The following NBAS variants were observed in gnomAD, a reference collection of about 807,000 sequenced individuals.
The protein encoded by NBAS is NBAS subunit of NRZ tethering complex.
A neutral mutation model predicts 302.5 loss-of-function variants in NBAS; 219 were observed. That is an observed-to-expected ratio of 0.72 (90% confidence interval 0.65 to 0.81). The LOEUF (loss-of-function observed/expected upper bound fraction) is 0.81. Among genes scored for constraint, NBAS ranks in the 30% least tolerant of loss-of-function variants. NBAS has a pLI of 0.00. For missense variants in NBAS, 2,932 were observed against 2,841.6 expected (o/e 1.03, Z -0.72); for synonymous variants, 1,118 against 1,021.6 (o/e 1.09, Z -1.80).
At chr2:14,902,033 A>T in the NBAS span, among the ~76,000 whole-genome samples, 4 of 152,226 alleles carry the variant, frequency 2.6e-5, no homozygotes, top group Non-Finnish European at 4.4e-5. Flanking sequence ...CTGTCTTGTG[A>T]CTACCTCCCA....
At chr2:14,935,299 T>C in the NBAS span, among the ~76,000 whole-genome samples, 6 of 152,216 alleles carry the variant, frequency 3.9e-5, no homozygotes, top group South Asian at 4.1e-4. Context: ...AGGGCATCCA[T>C]TGACATTTTT....
Position 15,381,133 on chromosome 2 carries a change from T to C in NBAS, c.3361-1302A>G, listed in dbSNP as rs532481096. Among the ~76,000 whole-genome samples, 11 of 152,288 alleles carry C rather than the reference T, an allele frequency of 7.2e-5. 1 individual carries two copies. In the South Asian group the frequency reaches 1.4e-3, roughly 20 times the overall value. On this transcript the variant is annotated intron_variant, in intron 29 of 51. Coordinates refer to ENST00000281513, the MANE Select transcript of NBAS (RefSeq NM_015909.4). ...ATTTCTCTGGTCTACTCAAGTAAGC[T>C]GTAAGGAGTCAATGTCCAATACTGA...
the NBAS span, among the ~76,000 whole-genome samples, chr2:14,812,761 T>C: frequency 6.6e-6 from 1 of 152,208 alleles, no homozygotes; most frequent in East Asian, 1.9e-4. Flanking sequence ...CCCCAGTTTG[T>C]GGCATAAAAA....
intron 9 of NBAS, among the ~76,000 whole-genome samples, chr2:15,530,212 TTCACCTA>T (rs1663154915): frequency 6.6e-6 from 1 of 152,140 alleles, no homozygotes. Context: ...AAATAATAAC[TTCACCTA>T]TCATTTCCTG....
chr2:14,827,488 T>C, the NBAS span, among the ~76,000 whole-genome samples: 1 of 152,180 alleles, frequency 6.6e-6, no homozygotes, highest in Non-Finnish European at 1.5e-5. Flanking sequence ...GTCATGAACA[T>C]GAGAGTGCAG....
In NBAS at chr2:15,205,336, AAAG is replaced by A. The variant is rs1666087808; in HGVS notation, c.6432+13434_6432+13436del. On this transcript the variant is annotated intron_variant, in intron 48 of 51. Coordinates refer to ENST00000281513, the MANE Select transcript of NBAS (RefSeq NM_015909.4). ...ACTAAACGGAAGACAGGAAAGAAGA[AAAG>A]AAGGAAGAGAAGACAACAACACAAA... 3.3e-5 allele frequency among the ~76,000 whole-genome samples: 5 copies of A among 152,274 alleles called. No individual in the cohort carries two copies. In the South Asian group the frequency reaches 1.0e-3, roughly 32 times the overall value.
chr2:15,156,971 ACC>A, the NBAS span, among the ~76,000 whole-genome samples: 2 of 151,860 alleles, frequency 1.3e-5, no homozygotes, highest in African/African-American at 4.8e-5. Flanking sequence ...CCTCCCTTTG[ACC>A]CACCCCCCTC....
intron 44 of NBAS, among the ~76,000 whole-genome samples, chr2:15,256,426 C>G (rs1268407359): frequency 1.3e-5 from 2 of 152,142 alleles, no homozygotes; most frequent in Non-Finnish European, 2.9e-5. Flanking sequence ...AATTCATTTA[C>G]AAGACCTAGA....
intron 40 of NBAS, among the ~76,000 whole-genome samples, chr2:15,299,009 CG>C (rs774449050): frequency 3.3e-5 from 5 of 152,120 alleles, no homozygotes; most frequent in Non-Finnish European, 7.3e-5. Flanking sequence ...CAGAATCACT[CG>C]GAAGTCTTGG....
the NBAS span, among the ~76,000 whole-genome samples, chr2:15,019,030 C>T: frequency 6.6e-6 from 1 of 152,136 alleles, no homozygotes; most frequent in Admixed American, 6.5e-5. Flanking sequence ...TTTCAATAAG[C>T]CACAGAATAG....
intron 38 of NBAS, among the ~76,000 whole-genome samples, chr2:15,320,479 G>C (rs1212978778): frequency 2.0e-5 from 3 of 152,174 alleles, no homozygotes; most frequent in Non-Finnish European, 4.4e-5. Context: ...CAGATGACAT[G>C]ATCGTATATT....
chr2:15,438,676 G>A (rs1419948575), intron 21 of NBAS, among the ~76,000 whole-genome samples: 1 of 152,204 alleles, frequency 6.6e-6, no homozygotes, highest in Non-Finnish European at 1.5e-5. Context: ...AGCCTGGCAG[G>A]CCTTCTGGGC....
chr2:15,506,028 TA>T (rs1661832358), intron 10 of NBAS, among the ~76,000 whole-genome samples: 1 of 151,572 alleles, frequency 6.6e-6, no homozygotes, highest in Non-Finnish European at 1.5e-5. Context: ...TAAGGGGCTT[TA>T]AAGGAAGACA....
At chr2:14,866,959 G>C in the NBAS span, among the ~76,000 whole-genome samples, 1 of 152,134 alleles carries the variant, frequency 6.6e-6, no homozygotes, top group African/African-American at 2.4e-5. Context: ...GCGACACTGA[G>C]TCATAATAAT....
chr2:14,995,991 A>G, the NBAS span, among the ~76,000 whole-genome samples: 1 of 148,778 alleles, frequency 6.7e-6, no homozygotes, highest in Non-Finnish European at 1.5e-5. Flanking sequence ...GGTGCCCCCC[A>G]TGTACTCCCC....
In NBAS at chr2:15,244,218, A is replaced by C. The variant is rs956854527; in HGVS notation, c.5725-5532T>G. 3.9e-5 allele frequency among the ~76,000 whole-genome samples: 6 copies of C among 152,308 alleles called. 1 individual carries two copies. The highest frequency in any genetic ancestry group is 1.2e-4 in the African/African-American group (5 of 41,568). On this transcript the variant is annotated intron_variant, in intron 44 of 51. Coordinates refer to ENST00000281513, the MANE Select transcript of NBAS (RefSeq NM_015909.4). ...AAGAACCTGACTGAATTTCTGAGAT[A>C]GTGATGCTGCCCAAGAAACCACAAA...
chr2:15,385,189 T>C (rs1336489501), intron 28 of NBAS, among the ~76,000 whole-genome samples: 1 of 152,218 alleles, frequency 6.6e-6, no homozygotes, highest in African/African-American at 2.4e-5. Flanking sequence ...GGACAATCCA[T>C]ATACTGTTTC....
At chr2:15,176,298 C>G (rs1664535219) in intron 51 of NBAS, among the ~76,000 whole-genome samples, 1 of 152,066 alleles carries the variant, frequency 6.6e-6, no homozygotes, top group Non-Finnish European at 1.5e-5. Context: ...TAAAATGATA[C>G]AATTACAGAG....
the NBAS span, among the ~76,000 whole-genome samples, chr2:14,927,575 C>T: frequency 2.0e-5 from 3 of 152,096 alleles, no homozygotes; most frequent in Non-Finnish European, 2.9e-5. Context: ...GGGTGTCTAC[C>T]TAGAAGTAAA....
Sources: gnomAD v4.1 joint callset for allele counts (sites outside exome capture counted in the v4.1 genomes callset) on GRCh38, gnomAD v4.1.1 for gene constraint, MANE v1.5 for transcripts, NCBI Gene and HGNC (gene_info 2026-07-23, HGNC 2026-07-21) for gene names.